The following DNAH8 variants were observed in gnomAD, a reference collection of about 807,000 sequenced individuals.
DNAH8 encodes axonemal beta dynein heavy chain 8.
Under a neutral mutation model 562.1 loss-of-function variants are expected in DNAH8, and 382 were observed. The observed-to-expected ratio is 0.68, with a 90% CI of 0.63 to 0.74. The LOEUF is 0.74. Among genes scored for constraint, DNAH8 ranks in the 30% least tolerant of loss-of-function variants. The probability of loss-of-function intolerance (pLI) is 0.00; values close to 1 mark genes in which losing one functional copy is unlikely to be tolerated. For synonymous variants in DNAH8, 1,881 were observed against 1,919.4 expected (o/e 0.98, Z 0.52); for missense variants, 5,203 against 5,620.4 (o/e 0.93, Z 2.37).
Position 38,935,639 on chromosome 6 carries a change from T to A in DNAH8, c.11505T>A (p.Asn3835Lys), listed in dbSNP as rs372052671. ...AACTTTTGGAGGATGTTACTTTTAA[T>A]AAGCGGAAGATGAAAGAACTTGAAG... Reference protein sequence around the residue: ...RVKLLEDVTFNKRKMKELEDN... With the variant: ...RVKLLEDVTFKKRKMKELEDN... The change falls in exon 77 of 93, where the codon AAT (asparagine) becomes AAA (lysine). Residue 3835 changes from asparagine to lysine, a missense_variant. By Grantham distance (94) the Asn-to-Lys change is moderately conservative. Coordinates refer to ENST00000327475, the MANE Select transcript of DNAH8 (RefSeq NM_001206927.2). 2 of 1,613,418 alleles carry A rather than the reference T, an allele frequency of 1.2e-6. No homozygotes were observed. The highest frequency in any genetic ancestry group is 2.7e-5 in the African/African-American group (2 of 74,900).
At chr6:38,784,837 G>T (rs1031157346) in intron 17 of DNAH8, among the ~76,000 whole-genome samples, 3 of 152,154 alleles carry the variant, frequency 2.0e-5, no homozygotes, top group African/African-American at 7.2e-5. Context: ...TTCCAAATCC[G>T]TTCTCTTAAC....
chr6:38,874,066 C>CTTTCTTTCTT (rs1561797316), intron 52 of DNAH8, among the ~76,000 whole-genome samples: 1 of 19,028 alleles, frequency 5.3e-5, no homozygotes, highest in Non-Finnish European at 1.6e-4. Context: ...TTCTTTCTTT[C>CTTTCTTTCTT]TTTTTCTTTC....
At chr6:38,962,906 A>T (rs1762705715) in intron 82 of DNAH8, among the ~76,000 whole-genome samples, 2 of 152,224 alleles carry the variant, frequency 1.3e-5, no homozygotes, top group Non-Finnish European at 2.9e-5. Context: ...GTTCTCACTC[A>T]TAAGTGGGAA....
intron 13 of DNAH8, among the ~76,000 whole-genome samples, chr6:38,776,435 C>T (rs571512118): frequency 1.6e-3 from 242 of 152,264 alleles, no homozygotes; most frequent in Non-Finnish European, 5.9e-4. Flanking sequence ...CCAGGCTGGT[C>T]TTGAACTCCT....
intron 88 of DNAH8, among the ~76,000 whole-genome samples, chr6:39,001,405 G>GC (rs2150751672): frequency 6.6e-6 from 1 of 152,228 alleles, no homozygotes; most frequent in East Asian, 1.9e-4. Flanking sequence ...TGAGAGCTAT[G>GC]CGCACACATA....
In DNAH8 at chr6:38,790,359, A is replaced by G; in HGVS notation, c.2735A>G (p.Gln912Arg). 1 of 1,608,094 alleles carries G rather than the reference A, an allele frequency of 6.2e-7. No homozygotes were observed. The highest frequency in any genetic ancestry group is 1.1e-5 in the South Asian group (1 of 89,810). ...WSSLTLESFF[Q>R]EVELVLDMFN... ...TCTTTAACACTGGAAAGCTTCTTTC[A>G]AGAAGTCGAATTAGTTTTGGATATG... The change falls in exon 20 of 93, where the codon CAA becomes CGA. Residue 912 changes from glutamine (Q) to arginine (R), a missense_variant. Around this residue, in one of 6 missense-constraint regions of DNAH8, gnomAD observed 2,176 missense variants for 2,365.1 expected, o/e 0.92. Transcript: ENST00000327475.
Position 38,898,344 on chromosome 6 carries a change from G to C in DNAH8, c.9027G>C (p.Leu3009=). 1 of 1,581,224 alleles carries C rather than the reference G, an allele frequency of 6.3e-7. No homozygotes were observed. The highest frequency in any genetic ancestry group is 8.6e-7 in the Non-Finnish European group (1 of 1,169,406). The stretch of plus-strand genomic sequence containing the variant: ...TCATTAGAGGAACATCTCTTGATCT[G>C]GTGTTTTTTAAAGATGCAATGACTC... ...NEIIRGTSLD[L]VFFKDAMTHL... is the part of the protein sequence containing the mutation. The change falls in exon 61 of 93, where the codon CTG becomes CTC. Residue 3009 remains leucine (L), a synonymous_variant. Coordinates refer to ENST00000327475, the MANE Select transcript of DNAH8 (RefSeq NM_001206927.2).
intron 23 of DNAH8, among the ~76,000 whole-genome samples, chr6:38,806,862 AC>A (rs1771324623): frequency 1.3e-5 from 2 of 152,096 alleles, no homozygotes; most frequent in Admixed American, 1.3e-4. Context: ...CCCTGACTGT[AC>A]CCCACTGCCA....
Position 38,935,549 on chromosome 6 carries a change from G to C in DNAH8, c.11458-43G>C, listed in dbSNP as rs768913167. The C allele has an allele frequency of 4.9e-5, 68 of 1,384,594 alleles. No homozygotes were observed. In the Admixed American group the frequency reaches 1.2e-3, roughly 25 times the overall value. 85.8% of individuals were successfully genotyped at this position (1,384,594 alleles called of 1,614,324 possible). On this transcript the variant is annotated intron_variant, in intron 76 of 92. Coordinates refer to ENST00000327475, the MANE Select transcript of DNAH8 (RefSeq NM_001206927.2). The stretch of plus-strand genomic sequence containing the variant: ...GTGAGTTGGGTTTACTGTAATAACT[G>C]GTAATTATAGTTCCAATGTTATTTT...
At chr6:38,720,258 G>A (rs772185285) in intron 1 of DNAH8, among the ~76,000 whole-genome samples, 4 of 152,154 alleles carry the variant, frequency 2.6e-5, no homozygotes, top group Non-Finnish European at 5.9e-5. Context: ...ATATCCCTGA[G>A]GACAGCCAGA....
chr6:39,003,045 A>T (rs1252271690), intron 88 of DNAH8, among the ~76,000 whole-genome samples: 1 of 152,190 alleles, frequency 6.6e-6, no homozygotes, highest in Non-Finnish European at 1.5e-5. Flanking sequence ...CTTTATTCCT[A>T]AATGAATCCA....
intron 41 of DNAH8, among the ~76,000 whole-genome samples, chr6:38,856,243 G>C (rs554546415): frequency 6.6e-6 from 1 of 152,214 alleles, no homozygotes; most frequent in South Asian, 2.1e-4. Flanking sequence ...CTTATTATAG[G>C]CATCGAGTAA....
intron 8 of DNAH8, among the ~76,000 whole-genome samples, chr6:38,743,215 C>T (rs1393289136): frequency 6.6e-6 from 1 of 151,714 alleles, no homozygotes; most frequent in Admixed American, 6.6e-5. Context: ...GTTGTCCAGG[C>T]TAGTCTTAAA....
chr6:38,767,233 T>A (rs1767094209), intron 11 of DNAH8, among the ~76,000 whole-genome samples: 1 of 152,096 alleles, frequency 6.6e-6, no homozygotes. Flanking sequence ...GGTTAGGAGT[T>A]CAAGACCAGC....
At chr6:39,028,718 G>A (rs1767464088) in intron 92 of DNAH8, among the ~76,000 whole-genome samples, 1 of 152,212 alleles carries the variant, frequency 6.6e-6, no homozygotes, top group South Asian at 2.1e-4. Flanking sequence ...GCACCCTGGA[G>A]AGGGATACAA....
chr6:38,899,242 G>A (rs1216442444), intron 61 of DNAH8, among the ~76,000 whole-genome samples: 3 of 152,064 alleles, frequency 2.0e-5, no homozygotes, highest in Non-Finnish European at 4.4e-5. Flanking sequence ...AACATGAAAG[G>A]CTGTCTCTCC....
intron 26 of DNAH8, among the ~76,000 whole-genome samples, chr6:38,817,493 A>G (rs1056098717): frequency 6.6e-6 from 1 of 152,182 alleles, no homozygotes; most frequent in African/African-American, 2.4e-5. Context: ...CAACCAGCTA[A>G]TAAAGGATGA....
intron 53 of DNAH8, among the ~76,000 whole-genome samples, chr6:38,878,462 A>G (rs573158358): frequency 9.2e-5 from 14 of 152,318 alleles, no homozygotes; most frequent in African/African-American, 2.9e-4. Flanking sequence ...CAGAAGAAAG[A>G]ACCATGATCA....
intron 49 of DNAH8, among the ~76,000 whole-genome samples, chr6:38,872,330 G>T (rs1030020737): frequency 6.6e-6 from 1 of 152,120 alleles, no homozygotes; most frequent in African/African-American, 2.4e-5. Context: ...GCTCCACATT[G>T]TTATTACTTT....
Sources: allele counts gnomAD v4.1 joint callset (sites outside exome capture counted in the v4.1 genomes callset), GRCh38; gene constraint gnomAD v4.1.1; regional missense constraint gnomAD v4.1.1; transcripts MANE v1.5; gene names NCBI Gene and HGNC (gene_info 2026-07-23, HGNC 2026-07-21).